The following KIRREL3 variants were observed in gnomAD, a reference collection of about 807,000 sequenced individuals.
KIRREL3 encodes kirre like nephrin family adhesion molecule 3.
A neutral mutation model predicts 89.7 loss-of-function variants in KIRREL3; 36 were observed. The observed-to-expected ratio is 0.40, with a 90% confidence interval of 0.31 to 0.53. KIRREL3 has a LOEUF of 0.53. Among genes scored for constraint, KIRREL3 ranks in the 20% least tolerant of loss-of-function variants. The pLI is 0.49. For synonymous variants in KIRREL3, 445 were observed against 441.4 expected, an observed-to-expected ratio of 1.01 and a Z score of -0.10; for missense variants, 864 against 1,056.6, an observed-to-expected ratio of 0.82 and a Z score of 2.53.
rs1377523437 is a variant in KIRREL3 at position 126,486,614 on chromosome 11, T to C, written c.434-13148A>G. ...GAAAAGCCCATCATGGTGGCTGCCGTGGACTTGTATAATCCATGCTTCATG... is the reference window on the plus strand; with the variant it reads ...GAAAAGCCCATCATGGTGGCTGCCGCGGACTTGTATAATCCATGCTTCATG... On this transcript the variant is annotated intron_variant, in intron 4 of 16. Transcript: ENST00000525144. The surrounding 1 kb of genome is among the most constrained non-coding windows in gnomAD (Gnocchi z 6.2). 6.6e-6 allele frequency among the ~76,000 whole-genome samples: 1 copy of C among 152,222 alleles called. No individual in the cohort carries two copies. The highest frequency in any genetic ancestry group is 1.5e-5 in the Non-Finnish European group (1 of 68,036).
intron 1 of KIRREL3, among the ~76,000 whole-genome samples, chr11:126,765,828 TCTAA>T (rs1416240930): frequency 5.3e-5 from 8 of 152,196 alleles, no homozygotes; most frequent in Non-Finnish European, 1.2e-4. Flanking sequence ...CACCAGGCAC[TCTAA>T]CTAGGTTCAA....
intron 1 of KIRREL3, among the ~76,000 whole-genome samples, chr11:126,670,987 A>T (rs1945916238): frequency 6.6e-6 from 1 of 152,234 alleles, no homozygotes; most frequent in Non-Finnish European, 1.5e-5. Context: ...ACACAAATAG[A>T]TCAGTGGAAC....
intron 5 of KIRREL3, among the ~76,000 whole-genome samples, chr11:126,467,488 G>A (rs565278029): frequency 6.6e-6 from 1 of 152,318 alleles, no homozygotes; most frequent in South Asian, 2.1e-4. Flanking sequence ...CAGACAAGGG[G>A]TGGGGGCCCA....
rs926840039 is a variant in KIRREL3, at chr11:126,520,176, T to C, written c.433+1139A>G. On this transcript the variant is annotated intron_variant, in intron 4 of 16. Transcript: ENST00000525144. This position sits in a 1 kb window ranked among gnomAD's most constrained non-coding sequence, Gnocchi z 4.9. ...GATAACCTGACATGCTTTTAAATAT[T>C]TCATCTCTGAGCAGCTGTGTGCTTT... Among the ~76,000 whole-genome samples, 1 of 152,174 alleles carries C rather than the reference T, an allele frequency of 6.6e-6. No individual in the cohort carries two copies. The highest frequency in any genetic ancestry group is 1.5e-5 in the Non-Finnish European group (1 of 68,048).
chr11:126,873,433 G>C (rs563962731), intron 1 of KIRREL3, among the ~76,000 whole-genome samples: 1 of 152,118 alleles, frequency 6.6e-6, no homozygotes, highest in Non-Finnish European at 1.5e-5. Context: ...GAGCGATGCC[G>C]GGCTGTTTGT....
At position 126,752,238 on chromosome 11, in the gene KIRREL3, A is replaced by G. The variant is rs924414941; in HGVS notation, c.56-189326T>C. On this transcript the variant is annotated intron_variant, in intron 1 of 16. Coordinates refer to ENST00000525144, the MANE Select transcript of KIRREL3 (RefSeq NM_032531.4). The surrounding 1 kb of genome is among the most constrained non-coding windows in gnomAD (Gnocchi z 4.8). ...GGTTTCTTGAAGCATTGTAGCTCCC[A>G]TTATTCTCTTAAACCAATAGTTGTC... is the stretch of plus-strand genomic sequence containing the variant. Among the ~76,000 whole-genome samples the G allele has an allele frequency of 1.3e-5, 2 of 152,168 alleles. No homozygotes were observed. Among genetic ancestry groups the G allele is most frequent in the Non-Finnish European group, 2.9e-5 (2 of 68,026 alleles).
At chr11:126,440,745 A>T in intron 10 of KIRREL3, 196 bp from the exon 11 acceptor site, 1 of 619,618 alleles carries the variant, frequency 1.6e-6, no homozygotes, top group Non-Finnish European at 2.9e-6. Context: ...CTCTCAAGGG[A>T]TCATGAGCGA....
chr11:126,547,227 C>G (rs1938876755), intron 2 of KIRREL3, among the ~76,000 whole-genome samples: 1 of 152,194 alleles, frequency 6.6e-6, no homozygotes, highest in African/African-American at 2.4e-5. Context: ...CTGACACATG[C>G]TGCAGGAAAA....
Position 126,463,372 on chromosome 11 carries a change from T to TG in KIRREL3, c.592-66dup. 6.5e-7 allele frequency: 1 copy of TG among 1,533,730 alleles called. No individual in the cohort carries two copies. The highest frequency in any genetic ancestry group is 8.9e-7 in the Non-Finnish European group (1 of 1,125,278). On this transcript the variant is annotated intron_variant, in intron 5 of 16. Transcript: ENST00000525144. The surrounding 1 kb of genome is among the most constrained non-coding windows in gnomAD (Gnocchi z 5.9). ...CTTGGCTGGGGTGGCCAGCCTGGGT[T>TG]GGGGGTAAACGAGCACCAGCTTAGA...
At chr11:126,923,177 TCTTCTTCTTCTC>T in intron 1 of KIRREL3, among the ~76,000 whole-genome samples, 1 of 8,866 alleles carries the variant, frequency 1.1e-4, no homozygotes, top group South Asian at 4.3e-3. Context: ...CTTCTTCTTC[TCTTCTTCTTCTC>T]TTCTTCTTCT....
At chr11:126,630,224 G>C (rs1021162789) in intron 1 of KIRREL3, among the ~76,000 whole-genome samples, 1 of 152,128 alleles carries the variant, frequency 6.6e-6, no homozygotes, top group Non-Finnish European at 1.5e-5. Context: ...GGTCTGTGTC[G>C]AATGGAATAT....
At chr11:126,511,564 C>A (rs568235464) in intron 4 of KIRREL3, among the ~76,000 whole-genome samples, 36 of 152,312 alleles carry the variant, frequency 2.4e-4, no homozygotes, top group African/African-American at 8.2e-4. Flanking sequence ...GCGTCTTCTG[C>A]TTCTGTGGTG....
rs778345047 is a variant in KIRREL3, at chr11:126,634,698, G to T, written c.56-71786C>A. ...GTGCACCTGGCAAAGAGTGCATCGG[G>T]TGGAATGCAGTCCTCTCTCACCAAG... On this transcript the variant is annotated intron_variant, in intron 1 of 16. Coordinates refer to ENST00000525144, the MANE Select transcript of KIRREL3 (RefSeq NM_032531.4). 1.7e-4 allele frequency among the ~76,000 whole-genome samples: 26 copies of T among 152,180 alleles called. 1 individual carries two copies. Among genetic ancestry groups the T allele is most frequent in the Non-Finnish European group, 3.4e-4 (23 of 68,030 alleles).
chr11:126,988,219 T>C (rs1159104967), intron 1 of KIRREL3, among the ~76,000 whole-genome samples: 2 of 152,224 alleles, frequency 1.3e-5, no homozygotes, highest in African/African-American at 4.8e-5. Flanking sequence ...GATGATGAAT[T>C]CTTTTAAAGA....
In KIRREL3 at chr11:126,978,177, T is replaced by TA. The variant is rs1949632432; in HGVS notation, c.55+22277dup. Among the ~76,000 whole-genome samples, 2 of 152,302 alleles carry TA rather than the reference T, an allele frequency of 1.3e-5. No homozygotes were observed. Among genetic ancestry groups the TA allele is most frequent in the South Asian group, 4.2e-4 (2 of 4,812 alleles). Reference sequence around the variant, plus strand: ...TTTATGATGATGCAGGGCATGCAGGTAATCAATTATGCGATTCTTTCAGGG... The same window carrying TA: ...TTTATGATGATGCAGGGCATGCAGGTAAATCAATTATGCGATTCTTTCAGGG... On this transcript the variant is annotated intron_variant, in intron 1 of 16. Transcript: ENST00000525144. The surrounding 1 kb of genome is among the most constrained non-coding windows in gnomAD (Gnocchi z 4.2).
At chr11:126,885,467 C>T (rs1209534981) in intron 1 of KIRREL3, among the ~76,000 whole-genome samples, 1 of 152,186 alleles carries the variant, frequency 6.6e-6, no homozygotes, top group Admixed American at 6.5e-5. Flanking sequence ...AGGTTTAGTA[C>T]AGATAATCCT....
chr11:126,590,177 T>C (rs890527979), intron 1 of KIRREL3, among the ~76,000 whole-genome samples: 1 of 152,248 alleles, frequency 6.6e-6, no homozygotes, highest in African/African-American at 2.4e-5. Flanking sequence ...TGACCTTAAC[T>C]ACCTTGGTTA....
At chr11:126,718,955 C>T (rs1233464431) in intron 1 of KIRREL3, among the ~76,000 whole-genome samples, 2 of 152,246 alleles carry the variant, frequency 1.3e-5, no homozygotes, top group East Asian at 3.8e-4. Context: ...TCTCCTTTCC[C>T]TCCAGAGTCA....
rs958735036 is a variant in KIRREL3, at chr11:126,917,778, C to G, written c.55+82677G>C. ...ATTGGCAACCAATACTTTTCTGCCA[C>G]TCCACTCATTGTCTAACCTTAGGCA... is the stretch of plus-strand genomic sequence containing the variant. On this transcript the variant is annotated intron_variant, in intron 1 of 16. Coordinates refer to ENST00000525144, the MANE Select transcript of KIRREL3 (RefSeq NM_032531.4). This position sits in a 1 kb window ranked among gnomAD's most constrained non-coding sequence, Gnocchi z 5.0. Among the ~76,000 whole-genome samples the G allele has an allele frequency of 2.0e-5, 3 of 152,224 alleles. No homozygotes were observed. Among genetic ancestry groups the G allele is most frequent in the African/African-American group, 7.2e-5 (3 of 41,464 alleles).
Sources: gnomAD v4.1 joint callset for allele counts (sites outside exome capture counted in the v4.1 genomes callset) on GRCh38, gnomAD v4.1.1 for gene constraint, Gnocchi (gnomAD v3.1) non-coding constraint, MANE v1.5 for transcripts, NCBI Gene and HGNC (gene_info 2026-07-23, HGNC 2026-07-21) for gene names.